Variants in GNB1 observed in about 807,000 individuals in gnomAD.
GNB1 encodes guanine nucleotide-binding protein G(I)/G(S)/G(T) subunit beta-1.
GNB1 carries 2 observed loss-of-function variants against 42.9 expected under a neutral mutation model. The ratio of observed to expected loss-of-function variants is 0.05; its 90% CI spans 0.02 to 0.15. GNB1 has a LOEUF of 0.15. GNB1 is among the 10% of genes least tolerant of loss of function. The pLI, the probability that GNB1 is intolerant of heterozygous loss-of-function variation, is 1.00. For synonymous variants in GNB1, 183 were observed against 174.7 expected, an observed-to-expected ratio of 1.05 and a Z score of -0.38; for missense variants, 193 against 462.2, an observed-to-expected ratio of 0.42 and a Z score of 5.34.
chr1:1,832,228 T>C (rs951667145), intron 2 of GNB1: 6 of 150,326 alleles, frequency 4.0e-5, no homozygotes, highest in African/African-American at 1.5e-4. Flanking sequence ...AAAGTCTTAC[T>C]CACATTTAAT....
chr1:1,815,690 T>A lies in GNB1; in HGVS notation c.203+66A>T, dbSNP rs1247515521. 8 of 865,422 alleles carry A rather than the reference T, an allele frequency of 9.2e-6. No homozygotes were observed. The Admixed American group carries it at 1.6e-4, about 18-fold the overall frequency. 53.6% of individuals were successfully genotyped at this position (865,422 alleles called of 1,614,324 possible). On this transcript the variant is annotated intron_variant, in intron 5 of 11. Transcript: ENST00000378609. ...GCACAGCAAATGGGTTCAGGTACTT[T>A]TCCCCTAGGACAACAGAGCAGCCCC...
At chr1:1,886,275 G>A (rs577602438) in intron 1 of GNB1, among the ~76,000 whole-genome samples, 35 of 152,180 alleles carry the variant, frequency 2.3e-4, no homozygotes, top group African/African-American at 5.5e-4. Flanking sequence ...CCGAGATTGC[G>A]CCACTGCACT....
At chr1:1,886,836 G>C (rs1041176785) in intron 1 of GNB1, among the ~76,000 whole-genome samples, 4 of 152,180 alleles carry the variant, frequency 2.6e-5, no homozygotes, top group Admixed American at 1.3e-4. Context: ...CTCCTGAGTA[G>C]CTGGGATTAC....
intron 4 of GNB1, among the ~76,000 whole-genome samples, chr1:1,816,671 T>TG (rs1557899575): frequency 7.2e-6 from 1 of 138,704 alleles, no homozygotes; most frequent in Non-Finnish European, 1.5e-5. Flanking sequence ...TTTTTTAAGA[T>TG]GGAGTCTCGC....
At chr1:1,834,283 T>A (rs1216300236) in intron 2 of GNB1, among the ~76,000 whole-genome samples, 4 of 152,088 alleles carry the variant, frequency 2.6e-5, no homozygotes, top group Non-Finnish European at 4.4e-5. Flanking sequence ...CTCTGACCCT[T>A]GGAACTCTGA....
intron 1 of GNB1, among the ~76,000 whole-genome samples, chr1:1,840,146 T>C (rs946852860): frequency 6.6e-6 from 1 of 151,350 alleles, no homozygotes; most frequent in Non-Finnish European, 1.5e-5. Flanking sequence ...GAGAATCACT[T>C]GAACCCAGAA....
At chr1:1,860,568 C>T (rs1389246984) in intron 1 of GNB1, among the ~76,000 whole-genome samples, 1 of 149,688 alleles carries the variant, frequency 6.7e-6, no homozygotes, top group African/African-American at 2.5e-5. Flanking sequence ...ACCTTGGAGG[C>T]GGAGCTTGCA....
At chr1:1,800,628 TA>T (rs1646611190) in intron 7 of GNB1, among the ~76,000 whole-genome samples, 1 of 151,828 alleles carries the variant, frequency 6.6e-6, no homozygotes, top group African/African-American at 2.4e-5. Context: ...AGACATGGTC[TA>T]AAACTTCCCA....
intron 3 of GNB1, among the ~76,000 whole-genome samples, chr1:1,824,378 T>A (rs1004752745): frequency 1.3e-5 from 2 of 152,036 alleles, no homozygotes; most frequent in African/African-American, 4.8e-5. Context: ...TTGAAAGAGG[T>A]TGCAGTGAGA....
intron 10 of GNB1, 131 bp downstream of exon 10, chr1:1,788,922 G>A: frequency 1.5e-6 from 1 of 680,432 alleles, no homozygotes; most frequent in Non-Finnish European, 2.6e-6. Flanking sequence ...GTTTGCGACT[G>A]TCACTCCTGC....
At chr1:1,803,999 A>C (rs1646661388) in intron 7 of GNB1, among the ~76,000 whole-genome samples, 1 of 123,404 alleles carries the variant, frequency 8.1e-6, no homozygotes, top group Admixed American at 9.0e-5. Context: ...AAAAAAAAAA[A>C]AAAAGAAAAA....
chr1:1,842,719 T>C (rs1029644875), intron 1 of GNB1, among the ~76,000 whole-genome samples: 1 of 152,176 alleles, frequency 6.6e-6, no homozygotes, highest in African/African-American at 2.4e-5. Flanking sequence ...CTAGAGACGG[T>C]GGTTGCAACA....
chr1:1,840,219 C>T (rs1384953653), intron 1 of GNB1, among the ~76,000 whole-genome samples: 1 of 144,346 alleles, frequency 6.9e-6, no homozygotes, highest in Non-Finnish European at 1.5e-5. Context: ...TAGAGCAAGA[C>T]ACCGTCTCGA....
intron 9 of GNB1, 60 bp from the exon 10 acceptor site, chr1:1,789,329 A>G (rs971563280): frequency 1.1e-6 from 1 of 942,500 alleles, no homozygotes; most frequent in Non-Finnish European, 1.7e-6. Flanking sequence ...CATTGGGAAT[A>G]TGGATTGCTC....
chr1:1,803,983 A>T (rs556962964), intron 7 of GNB1, among the ~76,000 whole-genome samples: 148 of 14,852 alleles, frequency 1.0e-2, no homozygotes, highest in Non-Finnish European at 0.023. Flanking sequence ...CTCTGTCTTT[A>T]AAAAAAAAAA....
At chr1:1,807,493 A>AC (rs1646717422) in intron 5 of GNB1, among the ~76,000 whole-genome samples, 4 of 144,172 alleles carry the variant, frequency 2.8e-5, no homozygotes, top group East Asian at 2.1e-4. Flanking sequence ...AAAAAAAAAA[A>AC]CAAACAGAAA....
intron 2 of GNB1, among the ~76,000 whole-genome samples, chr1:1,831,811 C>T (rs1317070312): frequency 6.6e-6 from 1 of 150,420 alleles, no homozygotes; most frequent in Non-Finnish European, 1.5e-5. Flanking sequence ...GTAGTCCCAG[C>T]ACTTTGGGAG....
intron 2 of GNB1, among the ~76,000 whole-genome samples, chr1:1,830,442 T>C (rs892022725): frequency 1.3e-5 from 2 of 151,602 alleles, no homozygotes; most frequent in African/African-American, 4.8e-5. Flanking sequence ...TTTATATTTT[T>C]AGTAGGGACG....
chr1:1,858,842 T>C (rs1430790445), intron 1 of GNB1, among the ~76,000 whole-genome samples: 1 of 152,170 alleles, frequency 6.6e-6, no homozygotes, highest in Non-Finnish European at 1.5e-5. Context: ...AAAGCCCTGT[T>C]TGCAGTGGCT....
Sources: gnomAD v4.1 joint callset for allele counts (sites outside exome capture counted in the v4.1 genomes callset) on GRCh38, gnomAD v4.1.1 for gene constraint, MANE v1.5 for transcripts, NCBI Gene and HGNC (gene_info 2026-07-23, HGNC 2026-07-21) for gene names.